The following SCML2 variants were observed in gnomAD, a reference collection of about 807,000 sequenced individuals.
SCML2 encodes the protein sex comb on midleg-like protein 2.
SCML2 carries 6 observed loss-of-function variants against 48.4 expected under a neutral mutation model. The ratio of observed to expected loss-of-function variants is 0.12; its 90% CI spans 0.07 to 0.24. The LOEUF (loss-of-function observed/expected upper bound fraction) is 0.24, where lower values mean the gene tolerates loss of function less well. SCML2 is among the 10% of genes least tolerant of loss of function. The pLI is 1.00. For missense variants in SCML2, 377 were observed against 528.2 expected (o/e 0.71, Z 2.81); for synonymous variants, 181 against 189.5 (o/e 0.95, Z 0.37).
At chrX:18,302,856 A>C (rs1363739082) in intron 7 of SCML2, among the ~76,000 whole-genome samples, 3 of 112,204 alleles carry the variant, frequency 2.7e-5, no homozygotes, top group African/African-American at 9.7e-5. Context: ...GGATGTCCCA[A>C]AGTTACCCTG....
At chrX:18,335,967 T>C (rs1929798023) in intron 1 of SCML2, among the ~76,000 whole-genome samples, 1 of 111,917 alleles carries the variant, frequency 8.9e-6, no homozygotes, top group Admixed American at 9.5e-5. Context: ...TTACATCATC[T>C]TATTTCAAGA....
intron 13 of SCML2, among the ~76,000 whole-genome samples, chrX:18,244,587 T>C (rs1229284603): frequency 8.9e-6 from 1 of 112,003 alleles, no homozygotes; most frequent in Non-Finnish European, 1.9e-5. Flanking sequence ...AAGCATTACA[T>C]TATTGTTATT....
intron 1 of SCML2, among the ~76,000 whole-genome samples, chrX:18,334,401 G>A (rs1929746646): frequency 9.0e-6 from 1 of 111,691 alleles, no homozygotes; most frequent in African/African-American, 3.3e-5. Flanking sequence ...CCTTAAAAGG[G>A]TGAGTTTTAT....
intron 1 of SCML2, among the ~76,000 whole-genome samples, chrX:18,337,287 C>G (rs1311139462): frequency 1.5e-5 from 1 of 65,242 alleles, no homozygotes; most frequent in Non-Finnish European, 2.5e-5. Context: ...GCCTGGGCGA[C>G]AGAGCAAGAC....
chrX:18,266,020 CGG>C (rs1417593989), intron 7 of SCML2, among the ~76,000 whole-genome samples: 1 of 111,267 alleles, frequency 9.0e-6, no homozygotes, highest in Admixed American at 9.6e-5. Context: ...AAAAATAAAG[CGG>C]TTTTTATTAG....
intron 7 of SCML2, among the ~76,000 whole-genome samples, chrX:18,281,459 C>T (rs1247503284): frequency 8.9e-6 from 1 of 111,992 alleles, no homozygotes; most frequent in Non-Finnish European, 1.9e-5. Flanking sequence ...GGCCTGTAGT[C>T]CCAGCACTTT....
At chrX:18,265,898 C>CTTTGG in intron 7 of SCML2, 96 bp from the exon 8 acceptor site, 1 of 590,143 alleles carries the variant, frequency 1.7e-6, no homozygotes, top group Non-Finnish European at 2.6e-6. Flanking sequence ...CCTTTAAAAC[C>CTTTGG]ATTTCCAAAG....
At chrX:18,294,603 T>C (rs1928331199) in intron 7 of SCML2, among the ~76,000 whole-genome samples, 1 of 110,737 alleles carries the variant, frequency 9.0e-6, no homozygotes, top group South Asian at 3.9e-4. Context: ...CATCCTGCCC[T>C]GAAGCCCAAC....
chrX:18,299,330 G>A (rs1459687998), intron 7 of SCML2, among the ~76,000 whole-genome samples: 2 of 110,015 alleles, frequency 1.8e-5, no homozygotes, highest in Admixed American at 9.7e-5. Flanking sequence ...TGGCTAATAC[G>A]GTGAAATCCC....
chrX:18,285,755 G>A (rs1333384439), intron 7 of SCML2, among the ~76,000 whole-genome samples: 1 of 111,004 alleles, frequency 9.0e-6, no homozygotes, highest in Non-Finnish European at 1.9e-5. Context: ...CAATTCTCTT[G>A]ACTAAATATA....
At chrX:18,287,221 G>A (rs759369373) in intron 7 of SCML2, among the ~76,000 whole-genome samples, 183 of 112,069 alleles carry the variant, frequency 1.6e-3, no homozygotes, top group Non-Finnish European at 3.0e-3. Context: ...TAAAGATTTC[G>A]TTTAAATTAG....
rs187101098 is a variant in SCML2 at position 18,349,171 on chromosome X, C to T, written c.-25+5421G>A. On this transcript the variant is annotated intron_variant, in intron 1 of 14. Transcript: ENST00000251900. ...CCCTAGAATTGTAATATATCTGTCC[C>T]TTCTGAAGTTTACAACAGTACGTTA... is the stretch of plus-strand genomic sequence containing the variant. Among the ~76,000 whole-genome samples, 18 of 112,229 alleles carry T rather than the reference C, an allele frequency of 1.6e-4. No individual in the cohort carries two copies. The East Asian group carries it at 4.8e-3, about 30-fold the overall frequency.
In SCML2 at chrX:18,347,376, G is replaced by A. The variant is rs763048186; in HGVS notation, c.-25+7216C>T. Among the ~76,000 whole-genome samples the A allele has an allele frequency of 2.2e-3, 239 of 109,217 alleles. 1 individual carries two copies. The highest frequency in any genetic ancestry group is 3.7e-3 in the Non-Finnish European group (196 of 52,446). The allele number at this position is 109,217 out of a possible 115,157, so 94.8% of individuals were successfully genotyped here. The stretch of plus-strand genomic sequence containing the variant: ...AGGAGAATCGCTTGAATCTGGGAGG[G>A]GGAGGTTGCAGTGAGCCAAGATAGT... On this transcript the variant is annotated intron_variant, in intron 1 of 14. Coordinates refer to ENST00000251900, the MANE Select transcript of SCML2 (RefSeq NM_006089.3).
At chrX:18,287,279 G>A (rs1442053403) in intron 7 of SCML2, among the ~76,000 whole-genome samples, 2 of 111,738 alleles carry the variant, frequency 1.8e-5, no homozygotes, top group East Asian at 2.8e-4. Context: ...GCGCTGTTAC[G>A]TCTTTTCCAG....
intron 7 of SCML2, among the ~76,000 whole-genome samples, chrX:18,295,071 G>A (rs1289408255): frequency 9.0e-6 from 1 of 111,073 alleles, no homozygotes; most frequent in African/African-American, 3.3e-5. Flanking sequence ...CACCACCAGG[G>A]GCTAAAGCAC....
chrX:18,283,921 A>G (rs753333775), intron 7 of SCML2, among the ~76,000 whole-genome samples: 36 of 112,303 alleles, frequency 3.2e-4, no homozygotes, highest in African/African-American at 1.1e-3. Flanking sequence ...TCTTCACAAA[A>G]TTAGAAAAAA....
chrX:18,264,332 C>A (rs1477644905), intron 8 of SCML2, among the ~76,000 whole-genome samples: 1 of 110,644 alleles, frequency 9.0e-6, no homozygotes, highest in African/African-American at 3.3e-5. Flanking sequence ...TCCAGTGAAT[C>A]TTTTACTTCA....
In SCML2 at chrX:18,327,357, G is replaced by A. The variant is rs145691970; in HGVS notation, c.92-2380C>T. On this transcript the variant is annotated intron_variant, in intron 3 of 14. Coordinates refer to ENST00000251900, the MANE Select transcript of SCML2 (RefSeq NM_006089.3). ...TGCACTCCAGCCTGGGCAACCAGGG[G>A]GAGACTCCGTCTCAACAACAACAAC... 6.1e-3 allele frequency among the ~76,000 whole-genome samples: 684 copies of A among 111,373 alleles called. 6 individuals carry two copies. Among genetic ancestry groups the A allele is most frequent in the African/African-American group, 0.022 (666 of 30,593 alleles).
intron 6 of SCML2, among the ~76,000 whole-genome samples, chrX:18,310,584 A>T (rs772984756): frequency 9.3e-6 from 1 of 107,706 alleles, no homozygotes; most frequent in African/African-American, 3.4e-5. Context: ...TATTTTATTT[A>T]TTTTTTTTCA....
Sources: gnomAD v4.1 joint callset for allele counts (sites outside exome capture counted in the v4.1 genomes callset) on GRCh38, gnomAD v4.1.1 for gene constraint, MANE v1.5 for transcripts, NCBI Gene and HGNC (gene_info 2026-07-23, HGNC 2026-07-21) for gene names.